The following CDH13 variants were observed in gnomAD, a reference collection of about 807,000 sequenced individuals.
CDH13 encodes cadherin 13.
A neutral mutation model predicts 63.8 loss-of-function variants in CDH13; 24 were observed. The observed-to-expected ratio is 0.38, with a 90% CI of 0.27 to 0.53. CDH13 has a LOEUF of 0.53. Ranked by LOEUF, CDH13 falls within the 20% of genes least tolerant of loss-of-function variation. CDH13 has a pLI of 0.85. For missense variants in CDH13, 1,049 were observed against 903.1 expected (o/e 1.16, Z -2.07); for synonymous variants, 503 against 355.3 (o/e 1.42, Z -4.67).
chr16:83,297,509 T>C (rs1195499400), intron 5 of CDH13, among the ~76,000 whole-genome samples: 1 of 152,140 alleles, frequency 6.6e-6, no homozygotes, highest in African/African-American at 2.4e-5. Flanking sequence ...AGCTCTAACT[T>C]ATCTCTCATG....
At chr16:83,324,572 T>A (rs1597748952) in intron 5 of CDH13, among the ~76,000 whole-genome samples, 1 of 152,222 alleles carries the variant, frequency 6.6e-6, no homozygotes, top group East Asian at 1.9e-4. Flanking sequence ...TTGTAGTTGA[T>A]GTCAGAGCTT....
intron 11 of CDH13, among the ~76,000 whole-genome samples, chr16:83,764,802 G>A (rs529864005): frequency 1.3e-5 from 2 of 152,030 alleles, no homozygotes; most frequent in South Asian, 2.1e-4. Flanking sequence ...CTTGCATCCT[G>A]CCTGCCTTCC....
intron 5 of CDH13, among the ~76,000 whole-genome samples, chr16:83,230,057 C>T (rs2039959006): frequency 6.6e-6 from 1 of 152,104 alleles, no homozygotes; most frequent in African/African-American, 2.4e-5. Context: ...TTGGGGAATC[C>T]ACATTTAAAA....
At chr16:83,130,868 G>A (rs2036012897) in intron 4 of CDH13, among the ~76,000 whole-genome samples, 1 of 152,126 alleles carries the variant, frequency 6.6e-6, no homozygotes, top group Non-Finnish European at 1.5e-5. Flanking sequence ...ATATCCTGAA[G>A]AATGAAGACA....
At position 83,597,883 on chromosome 16, in the gene CDH13, G is replaced by T. The variant is rs113430202; in HGVS notation, c.961-4571G>T. 8.9e-3 allele frequency among the ~76,000 whole-genome samples: 1,350 copies of T among 152,260 alleles called. 17 individuals carry two copies. Among genetic ancestry groups the T allele is most frequent in the African/African-American group, 0.03 (1,261 of 41,520 alleles). ...TTCCCTTGTGCTACCGTAAGAATTTGTACATACCTCTGCTAAGCTTTGATT... is the reference window on the plus strand; with the variant it reads ...TTCCCTTGTGCTACCGTAAGAATTTTTACATACCTCTGCTAAGCTTTGATT... On this transcript the variant is annotated intron_variant, in intron 7 of 13. Coordinates refer to ENST00000567109, the MANE Select transcript of CDH13 (RefSeq NM_001257.5).
intron 1 of CDH13, among the ~76,000 whole-genome samples, chr16:82,633,890 T>A (rs568498211): frequency 1.3e-5 from 2 of 152,194 alleles, no homozygotes; most frequent in Admixed American, 6.5e-5. Flanking sequence ...TTGTTTTCCA[T>A]AGCTACAGAC....
chr16:83,551,226 T>A (rs958529739), intron 7 of CDH13, among the ~76,000 whole-genome samples: 6 of 151,956 alleles, frequency 3.9e-5, no homozygotes. Flanking sequence ...GGATCACAGG[T>A]GTACACCACC....
chr16:83,073,124 G>A (rs1201570027), intron 3 of CDH13, among the ~76,000 whole-genome samples: 1 of 152,136 alleles, frequency 6.6e-6, no homozygotes, highest in Non-Finnish European at 1.5e-5. Context: ...CATTTTACAG[G>A]TAAGGAAGCA....
intron 1 of CDH13, among the ~76,000 whole-genome samples, chr16:82,802,475 C>T (rs1468849168): frequency 6.6e-6 from 1 of 152,098 alleles, no homozygotes; most frequent in African/African-American, 2.4e-5. Context: ...TTCAGAGGTT[C>T]TCCTTTTCTC....
At chr16:83,346,469 C>T (rs2090841485) in intron 6 of CDH13, among the ~76,000 whole-genome samples, 1 of 152,126 alleles carries the variant, frequency 6.6e-6, no homozygotes. Context: ...AAATGATTCC[C>T]AATTGCTATC....
chr16:83,483,119 T>C (rs2073810443), intron 6 of CDH13, among the ~76,000 whole-genome samples: 1 of 152,142 alleles, frequency 6.6e-6, no homozygotes, highest in Non-Finnish European at 1.5e-5. Flanking sequence ...GTGGCCACGG[T>C]CACGCAGCTT....
intron 4 of CDH13, among the ~76,000 whole-genome samples, chr16:83,201,310 C>G (rs942387143): frequency 2.0e-5 from 3 of 152,012 alleles, no homozygotes; most frequent in African/African-American, 7.3e-5. Flanking sequence ...ATAGAGACAA[C>G]AGATATAAAT....
intron 5 of CDH13, among the ~76,000 whole-genome samples, chr16:83,289,470 T>A (rs1349111099): frequency 3.3e-5 from 5 of 152,188 alleles, no homozygotes. Flanking sequence ...TTTTCAGCAC[T>A]CTTAAGGTGA....
intron 1 of CDH13, among the ~76,000 whole-genome samples, chr16:82,839,174 T>C (rs2038901064): frequency 6.6e-6 from 1 of 152,202 alleles, no homozygotes; most frequent in Admixed American, 6.5e-5. Flanking sequence ...AATAAATCTT[T>C]GCAGGCTGCT....
intron 2 of CDH13, among the ~76,000 whole-genome samples, chr16:82,986,557 G>A (rs1470224159): frequency 6.6e-6 from 1 of 152,196 alleles, no homozygotes; most frequent in Non-Finnish European, 1.5e-5. Context: ...GAATGTGGCT[G>A]CTCTAAGCTG....
chr16:83,396,763 G>GATGATC (rs1435315085), intron 6 of CDH13: 1 of 151,116 alleles, frequency 6.6e-6, no homozygotes, highest in African/African-American at 2.5e-5. Context: ...AAATGATGAT[G>GATGATC]ATGATGATGA....
At chr16:82,940,267 G>A (rs905845015) in intron 2 of CDH13, among the ~76,000 whole-genome samples, 3 of 152,262 alleles carry the variant, frequency 2.0e-5, no homozygotes, top group South Asian at 2.1e-4. Context: ...ACTTGAATAC[G>A]TTGCCTTGAG....
rs529213499 is a variant in CDH13, at chr16:83,261,642, G to A, written c.636+44145G>A. On this transcript the variant is annotated intron_variant, in intron 5 of 13. Coordinates refer to ENST00000567109, the MANE Select transcript of CDH13 (RefSeq NM_001257.5). Reference sequence around the variant, plus strand: ...AAATTATCCAGTACAAATGTCACTAGTGCCAAAGCTGAGAAGCCCTGCAAA... The same window carrying A: ...AAATTATCCAGTACAAATGTCACTAATGCCAAAGCTGAGAAGCCCTGCAAA... Among the ~76,000 whole-genome samples the A allele has an allele frequency of 3.6e-4, 55 of 152,030 alleles. No homozygotes were observed. The South Asian group carries it at 0.011, about 30-fold the overall frequency.
intron 3 of CDH13, among the ~76,000 whole-genome samples, chr16:83,102,993 C>T (rs574235955): frequency 1.6e-4 from 19 of 115,384 alleles, no homozygotes; most frequent in Middle Eastern, 5.0e-3. Flanking sequence ...TGCTCTGTCA[C>T]CCAGGTTGGA....
Sources: gnomAD v4.1 joint callset for allele counts (sites outside exome capture counted in the v4.1 genomes callset) on GRCh38, gnomAD v4.1.1 for gene constraint, MANE v1.5 for transcripts, NCBI Gene and HGNC (gene_info 2026-07-23, HGNC 2026-07-21) for gene names.